RAP1B: variants seen among roughly 807,000 people sequenced by gnomAD.
RAP1B encodes the protein RAP1B, member of RAS oncogene family.
A neutral mutation model predicts 27.5 loss-of-function variants in RAP1B; 1 was observed. The ratio of observed to expected loss-of-function variants is 0.04; its 90% CI spans 0.01 to 0.17. RAP1B has a LOEUF of 0.17. Among genes scored for constraint, RAP1B ranks in the 10% least tolerant of loss-of-function variants. RAP1B has a pLI of 1.00. For synonymous variants in RAP1B, 75 were observed against 73.1 expected (o/e 1.03, Z -0.13); for missense variants, 84 against 214.8 (o/e 0.39, Z 3.81).
intron 1 of RAP1B, among the ~76,000 whole-genome samples, chr12:68,641,465 C>A (rs1162940358): frequency 6.6e-6 from 1 of 152,080 alleles, no homozygotes; most frequent in Non-Finnish European, 1.5e-5. Flanking sequence ...TAAAAAAGAA[C>A]CAATGCAAAT....
At chr12:68,645,166 C>T (rs1433007733) in intron 1 of RAP1B, among the ~76,000 whole-genome samples, 1 of 152,200 alleles carries the variant, frequency 6.6e-6, no homozygotes, top group Non-Finnish European at 1.5e-5. Context: ...AAATCCCTAT[C>T]CTCATGGAGT....
chr12:68,633,816 G>A (rs537853017), intron 1 of RAP1B, among the ~76,000 whole-genome samples: 3 of 152,276 alleles, frequency 2.0e-5, no homozygotes, highest in Non-Finnish European at 4.4e-5. Context: ...GTTGCAGTGA[G>A]CTGAGATCGT....
At chr12:68,620,861 T>A (rs757757645) in intron 1 of RAP1B, among the ~76,000 whole-genome samples, 1 of 152,188 alleles carries the variant, frequency 6.6e-6, no homozygotes, top group African/African-American at 2.4e-5. Context: ...GTGCTGGGAT[T>A]ACAGGAGTGA....
intron 7 of RAP1B, among the ~76,000 whole-genome samples, 151 bp from the exon 8 acceptor site, chr12:68,659,129 T>C (rs1874450142): frequency 6.6e-6 from 1 of 152,244 alleles, no homozygotes; most frequent in Non-Finnish European, 1.5e-5. Context: ...CTGCCGTGAA[T>C]TGTGGTATGT....
intron 1 of RAP1B, among the ~76,000 whole-genome samples, chr12:68,612,881 T>TG (rs1870705385): frequency 6.6e-6 from 1 of 152,244 alleles, no homozygotes; most frequent in South Asian, 2.1e-4. Flanking sequence ...TGTTTTCACT[T>TG]GCATTTCCTT....
In RAP1B at chr12:68,659,495, C is replaced by A; in HGVS notation, c.*246C>A. 2.9e-6 allele frequency: 1 copy of A among 340,374 alleles called. No homozygotes were observed. The highest frequency in any genetic ancestry group is 5.8e-6 in the Non-Finnish European group (1 of 173,712). The allele number at this position is 340,374 out of a possible 1,614,324, so 21.1% of individuals were successfully genotyped here. On this transcript the variant is annotated 3_prime_UTR_variant, in exon 8 of 8. Coordinates refer to ENST00000250559, the MANE Select transcript of RAP1B (RefSeq NM_001010942.3). ...TTGCAGCTGGTAAAACCAGAGGCTA[C>A]ATCCAGTATTACTGCTAAGAGACAT...
chr12:68,635,884 A>AGAG (rs201711704), intron 1 of RAP1B, among the ~76,000 whole-genome samples: 14 of 125,038 alleles, frequency 1.1e-4, no homozygotes, highest in African/African-American at 4.2e-4. Flanking sequence ...TATACCCATG[A>AGAG]AATTTTTTTT....
At position 68,610,997 on chromosome 12, in the gene RAP1B, G is replaced by A. The variant is rs921680720; in HGVS notation, c.-73G>A. ...GGCGCCTAGAGTAGCGACCCGGGGG[G>A]AGCGCGGGGCGACGCTGGCTGCAGG... On this transcript the variant is annotated 5_prime_UTR_variant, in exon 1 of 8. Coordinates refer to ENST00000250559, the MANE Select transcript of RAP1B (RefSeq NM_001010942.3). 1 of 326,258 alleles carries A rather than the reference G, an allele frequency of 3.1e-6. No individual in the cohort carries two copies. The allele number at this position is 326,258 out of a possible 1,614,324, so 20.2% of individuals were successfully genotyped here.
chr12:68,627,391 AAC>A lies in RAP1B; in HGVS notation c.-27+16354_-27+16355del, dbSNP rs1303583418. 20 of 607,090 alleles carry A rather than the reference AAC, an allele frequency of 3.3e-5. 1 individual carries two copies. The highest frequency in any genetic ancestry group is 6.0e-5 in the Non-Finnish European group (20 of 335,636). The allele number at this position is 607,090 out of a possible 1,614,324, so 37.6% of individuals were successfully genotyped here. A position where few individuals can be genotyped will look rare whatever the true frequency, so the allele number is the denominator to read the frequency against. On this transcript the variant is annotated intron_variant, in intron 1 of 7. Coordinates refer to ENST00000250559, the MANE Select transcript of RAP1B (RefSeq NM_001010942.3). ...TAGGCTGCAGCAGGGTGTTTTTTAAAACACACAAATATACCCAATCCCTACTA... is the reference window on the plus strand; with the variant it reads ...TAGGCTGCAGCAGGGTGTTTTTTAAAACACAAATATACCCAATCCCTACTA...
intron 1 of RAP1B, among the ~76,000 whole-genome samples, chr12:68,642,212 T>C (rs1427341198): frequency 6.6e-6 from 1 of 152,220 alleles, no homozygotes; most frequent in African/African-American, 2.4e-5. Context: ...ACTGTACAGA[T>C]AGTTTCAAAC....
chr12:68,626,783 TTG>T (rs1871814775), intron 1 of RAP1B: 82 of 1,300,984 alleles, frequency 6.3e-5, no homozygotes, highest in Middle Eastern at 5.3e-4. Flanking sequence ...TGTTTTTTTT[TTG>T]TTGTTTGTTT....
rs1342688647 is a variant in RAP1B at position 68,659,416 on chromosome 12, A to G, written c.*167A>G. 5.1e-6 allele frequency: 2 copies of G among 395,772 alleles called. No individual in the cohort carries two copies. The highest frequency in any genetic ancestry group is 3.4e-5 in the Admixed American group (1 of 29,658). The allele number at this position is 395,772 out of a possible 1,614,324, so 24.5% of individuals were successfully genotyped here. ...GCTACTATATCAGTTTGCACATTCT[A>G]ATCACTTTCCAGTATCACAAGAGAG... On this transcript the variant is annotated 3_prime_UTR_variant, in exon 8 of 8. Transcript: ENST00000250559.
intron 1 of RAP1B, among the ~76,000 whole-genome samples, chr12:68,633,308 C>T (rs1240532618): frequency 6.6e-6 from 1 of 152,110 alleles, no homozygotes; most frequent in Non-Finnish European, 1.5e-5. Flanking sequence ...CTCCCCTATT[C>T]CCTAATGATT....
chr12:68,654,359 G>GGT lies in RAP1B; in HGVS notation c.324+108_324+109insTG, dbSNP rs1555173474. On this transcript the variant is annotated intron_variant, in intron 5 of 7. Transcript: ENST00000250559. ...AGCTTGTGTATTTTGGTTGGGGGGG[G>GGT]GGTGTTGGTTTTTTTAAACTTTTTC... The GGT allele has an allele frequency of 2.7e-3, 1,212 of 441,296 alleles. 57 individuals are homozygous for GGT. Among genetic ancestry groups the GGT allele is most frequent in the African/African-American group, 0.024 (1,103 of 45,198 alleles). 27.3% of individuals were successfully genotyped at this position (441,296 alleles called of 1,614,324 possible).
At chr12:68,638,016 T>C (rs7305747) in intron 1 of RAP1B, among the ~76,000 whole-genome samples, 7,941 of 152,250 alleles carry the variant, frequency 0.052, 677 homozygotes, top group African/African-American at 0.18. Context: ...CTAACTGGAT[T>C]AATACAAATT....
intron 1 of RAP1B, among the ~76,000 whole-genome samples, chr12:68,644,727 C>T (rs868313729): frequency 4.4e-4 from 51 of 115,762 alleles, no homozygotes; most frequent in Admixed American, 7.8e-4. Flanking sequence ...CTTGCTGTGT[C>T]GCCCAGGCTG....
rs894442354 is a variant in RAP1B at position 68,642,492 on chromosome 12, G to A, written c.-26-6207G>A. The A allele has an allele frequency of 1.1e-5, 10 of 875,444 alleles. No homozygotes were observed. In the African/African-American group the frequency reaches 1.7e-4, roughly 15 times the overall value. The allele number at this position is 875,444 out of a possible 1,614,324, so 54.2% of individuals were successfully genotyped here. ...TCCAGAATGTGTAATACAAGGGCCA[G>A]AACTTCCTCCTGGACTCAATTTTAT... is the stretch of plus-strand genomic sequence containing the variant. On this transcript the variant is annotated intron_variant, in intron 1 of 7. Transcript: ENST00000250559.
intron 1 of RAP1B, among the ~76,000 whole-genome samples, chr12:68,619,870 T>G (rs1871273386): frequency 6.6e-6 from 1 of 152,202 alleles, no homozygotes; most frequent in Non-Finnish European, 1.5e-5. Context: ...GGTAATGGAT[T>G]AGATAATAGT....
In RAP1B at chr12:68,662,221, C is replaced by G. The variant is rs973882589; in HGVS notation, c.*2972C>G. On this transcript the variant is annotated 3_prime_UTR_variant, in exon 8 of 8. Transcript: ENST00000250559. ...TGGGAGCACAACTCATGTAGATTGA[C>G]TTTTCTGGTGCTTAATGGGAAAATA... The G allele has an allele frequency of 2.6e-5, 4 of 151,514 alleles. No homozygotes were observed. Among genetic ancestry groups the G allele is most frequent in the African/African-American group, 9.7e-5 (4 of 41,284 alleles). The allele number at this position is 151,514 out of a possible 1,614,324, so 9.4% of individuals were successfully genotyped here. A position where few individuals can be genotyped will look rare whatever the true frequency, so the allele number is the denominator to read the frequency against.
Sources: allele counts gnomAD v4.1 joint callset (sites outside exome capture counted in the v4.1 genomes callset), GRCh38; gene constraint gnomAD v4.1.1; transcripts MANE v1.5; gene names NCBI Gene and HGNC (gene_info 2026-07-23, HGNC 2026-07-21).